JARID2: variants seen among roughly 807,000 people sequenced by gnomAD.
JARID2 encodes protein Jumonji.
Under a neutral mutation model 125.6 loss-of-function variants are expected in JARID2, and 21 were observed. The ratio of observed to expected loss-of-function variants is 0.17; its 90% CI spans 0.12 to 0.24. The LOEUF (loss-of-function observed/expected upper bound fraction) is 0.24. JARID2 is among the 10% of genes least tolerant of loss of function. The pLI is 1.00. For missense variants in JARID2, 1,303 were observed against 1,639.6 expected, an observed-to-expected ratio of 0.79 and a Z score of 3.55; for synonymous variants, 736 against 661.6, an observed-to-expected ratio of 1.11 and a Z score of -1.73.
intron 1 of JARID2, among the ~76,000 whole-genome samples, chr6:15,347,034 A>G (rs771027274): frequency 3.9e-5 from 6 of 152,114 alleles, no homozygotes; most frequent in Non-Finnish European, 7.4e-5. Flanking sequence ...ATTCCCTGGC[A>G]GTAATTGTAA....
chr6:15,509,235 T>C, intron 12 of JARID2: 3 of 1,209,388 alleles, frequency 2.5e-6, no homozygotes, highest in Non-Finnish European at 3.2e-6. Context: ...CGGCGGCAGA[T>C]GGGAAATGAC....
chr6:15,503,962 G>A (rs985161517), intron 8 of JARID2, among the ~76,000 whole-genome samples: 3 of 152,238 alleles, frequency 2.0e-5, no homozygotes, highest in African/African-American at 4.8e-5. Context: ...GAGAGAAGGC[G>A]ACCAGGTCGC....
chr6:15,450,646 G>C (rs1426662892), intron 3 of JARID2, among the ~76,000 whole-genome samples: 1 of 152,128 alleles, frequency 6.6e-6, no homozygotes, highest in Non-Finnish European at 1.5e-5. Context: ...CTCTGAGCAG[G>C]TCTAGGTGAA....
chr6:15,445,555 A>C (rs1304132723), intron 3 of JARID2, among the ~76,000 whole-genome samples: 8 of 152,152 alleles, frequency 5.3e-5, no homozygotes, highest in Non-Finnish European at 1.5e-5. Context: ...GACAATAGGG[A>C]TCTTTCCCCC....
At chr6:15,473,988 G>C (rs1769220103) in intron 5 of JARID2, among the ~76,000 whole-genome samples, 1 of 152,242 alleles carries the variant, frequency 6.6e-6, no homozygotes, top group Non-Finnish European at 1.5e-5. Context: ...CTCAGGTTCA[G>C]GCAGTACTGT....
intron 3 of JARID2, among the ~76,000 whole-genome samples, chr6:15,448,478 C>G (rs982669595): frequency 2.0e-5 from 3 of 152,156 alleles, no homozygotes; most frequent in Non-Finnish European, 4.4e-5. Context: ...AGCTGTAAAC[C>G]CTTAACATCC....
Position 15,350,696 on chromosome 6 carries a change from T to C in JARID2, c.46-23421T>C, listed in dbSNP as rs189410122. Among the ~76,000 whole-genome samples, 8 of 151,856 alleles carry C rather than the reference T, an allele frequency of 5.3e-5. No homozygotes were observed. The East Asian group carries it at 1.4e-3, about 26-fold the overall frequency. The stretch of plus-strand genomic sequence containing the variant: ...AATTGCTATTTAAACAAGATTCACA[T>C]GGATTTCATTTCAATGCCAAATCAT... On this transcript the variant is annotated intron_variant, in intron 1 of 17. Transcript: ENST00000341776.
chr6:15,471,123 G>A (rs1055876916), intron 5 of JARID2, among the ~76,000 whole-genome samples: 6 of 152,224 alleles, frequency 3.9e-5, no homozygotes, highest in African/African-American at 1.4e-4. Context: ...CCAGGGGCCT[G>A]CAGAGGCGGG....
chr6:15,261,434 C>T (rs1488266803), intron 1 of JARID2, among the ~76,000 whole-genome samples: 2 of 151,528 alleles, frequency 1.3e-5, no homozygotes, highest in Non-Finnish European at 2.9e-5. Flanking sequence ...TCTCTTGCCT[C>T]AGCCTCCCAA....
In JARID2 at chr6:15,348,305, C is replaced by T. The variant is rs139842591; in HGVS notation, c.46-25812C>T. 1.8e-4 allele frequency among the ~76,000 whole-genome samples: 28 copies of T among 152,036 alleles called. No individual in the cohort carries two copies. In the East Asian group the frequency reaches 5.0e-3, roughly 27 times the overall value. On this transcript the variant is annotated intron_variant, in intron 1 of 17. Transcript: ENST00000341776. ...TGGGCTTTCACCATGTTGGCCAGTC[C>T]GGTCTGGAACTCCTGACCTCGTGAT...
chr6:15,496,400 C>T lies in JARID2; in HGVS notation c.1175C>T (p.Ser392Phe). The change falls in exon 7 of 18, where the codon TCC (serine) becomes TTC (phenylalanine). Residue 392 changes from serine to phenylalanine, a missense_variant. Transcript: ENST00000341776. Reference sequence around the variant, plus strand: ...GCAAAAACCCGCAAACAGGTGCTATCCCTCGGGGGGGCGTCCAAGTCCACT... The same window carrying T: ...GCAAAAACCCGCAAACAGGTGCTATTCCTCGGGGGGGCGTCCAAGTCCACT... ...SNAKTRKQVLSLGGASKSTGP... is the reference protein window; with the variant it reads ...SNAKTRKQVLFLGGASKSTGP... 1 of 1,614,032 alleles carries T rather than the reference C, an allele frequency of 6.2e-7. No homozygotes were observed. The highest frequency in any genetic ancestry group is 8.5e-7 in the Non-Finnish European group (1 of 1,180,048).
intron 7 of JARID2, among the ~76,000 whole-genome samples, chr6:15,497,719 T>TCC (rs1770530463): frequency 6.6e-6 from 1 of 151,282 alleles, no homozygotes; most frequent in Admixed American, 6.6e-5. Flanking sequence ...GCCCCTTGCT[T>TCC]CCCCTGGGCT....
At chr6:15,331,919 A>G (rs749297007) in intron 1 of JARID2, among the ~76,000 whole-genome samples, 25 of 152,204 alleles carry the variant, frequency 1.6e-4, no homozygotes, top group African/African-American at 5.3e-4. Flanking sequence ...ATTCTAATTC[A>G]TAAGTTAAAA....
intron 1 of JARID2, among the ~76,000 whole-genome samples, chr6:15,255,669 G>T (rs188386893): frequency 6.6e-6 from 1 of 152,298 alleles, no homozygotes; most frequent in East Asian, 1.9e-4. Flanking sequence ...CCAGCTGTTA[G>T]AGTGTTTGGT....
chr6:15,414,799 A>G (rs931578235), intron 3 of JARID2, among the ~76,000 whole-genome samples: 2 of 151,978 alleles, frequency 1.3e-5, no homozygotes, highest in Admixed American at 6.5e-5. Flanking sequence ...CATAGTTTAT[A>G]ACATATATTT....
At chr6:15,469,914 C>G (rs1224377651) in intron 5 of JARID2, among the ~76,000 whole-genome samples, 1 of 152,090 alleles carries the variant, frequency 6.6e-6, no homozygotes, top group Non-Finnish European at 1.5e-5. Context: ...CGAGGTGGCT[C>G]ACACCTGTAA....
intron 1 of JARID2, among the ~76,000 whole-genome samples, chr6:15,315,521 C>T (rs1438745433): frequency 2.0e-5 from 3 of 152,122 alleles, no homozygotes; most frequent in Non-Finnish European, 1.5e-5. Context: ...CTCAGTCTGC[C>T]ATTTTAACAC....
At chr6:15,406,747 C>T (rs1250018037) in intron 2 of JARID2, among the ~76,000 whole-genome samples, 1 of 152,160 alleles carries the variant, frequency 6.6e-6, no homozygotes, top group Non-Finnish European at 1.5e-5. Context: ...AAAATCTCTT[C>T]ATAAAATTAC....
chr6:15,274,311 T>A (rs1760411068), intron 1 of JARID2, among the ~76,000 whole-genome samples: 1 of 152,196 alleles, frequency 6.6e-6, no homozygotes. Context: ...TTTTGGGGGA[T>A]GTCTTTAATG....
Sources: allele counts gnomAD v4.1 joint callset (sites outside exome capture counted in the v4.1 genomes callset), GRCh38; gene constraint gnomAD v4.1.1; transcripts MANE v1.5; gene names NCBI Gene and HGNC (gene_info 2026-07-23, HGNC 2026-07-21).